Variants in ABHD12B observed in about 807,000 individuals in gnomAD.
ABHD12B encodes abhydrolase domain containing 12B, also known as protein ABHD12B.
A neutral mutation model predicts 50.4 loss-of-function variants in ABHD12B; 42 were observed. The observed-to-expected ratio is 0.83, with a 90% confidence interval of 0.65 to 1.08. The LOEUF (loss-of-function observed/expected upper bound fraction) is 1.08, where lower values mean the gene tolerates loss of function less well. Among genes scored for constraint, ABHD12B ranks in the 50% least tolerant of loss-of-function variants. The pLI is 0.00. For synonymous variants in ABHD12B, 167 were observed against 160.3 expected, an observed-to-expected ratio of 1.04 and a Z score of -0.32; for missense variants, 479 against 447.7, an observed-to-expected ratio of 1.07 and a Z score of -0.63.
At chr14:50,884,232 T>C (rs1419287712) in intron 5 of ABHD12B, among the ~76,000 whole-genome samples, 4 of 152,160 alleles carry the variant, frequency 2.6e-5, no homozygotes, top group South Asian at 2.1e-4. Flanking sequence ...TTCTTAAGAG[T>C]AGGGTTTGTT....
At chr14:50,895,622 T>C (rs2050188006) in intron 9 of ABHD12B, 1 of 152,096 alleles carries the variant, frequency 6.6e-6, no homozygotes, top group Non-Finnish European at 1.5e-5. Flanking sequence ...CCTTCCCAGA[T>C]CTTCTCGGCT....
chr14:50,886,767 T>C, intron 8 of ABHD12B, 83 bp downstream of exon 8: 2 of 1,328,174 alleles, frequency 1.5e-6, no homozygotes, highest in Non-Finnish European at 2.1e-6. Flanking sequence ...GTGTACACTT[T>C]GAACATATAG....
Position 50,904,149 on chromosome 14 carries a change from C to T in ABHD12B, c.1018C>T (p.His340Tyr), listed in dbSNP as rs1361759103. The T allele has an allele frequency of 1.2e-6, 2 of 1,614,170 alleles. No homozygotes were observed. Among genetic ancestry groups the T allele is most frequent in the South Asian group, 2.2e-5 (2 of 91,078 alleles). ...GGTTATCTTTCCTCCTGGCTTCCAA[C>T]ACAACCTGCTTTGTAAAAGCCCCAC... ...KMVIFPPGFQ[H>Y]NLLCKSPTLL... is the part of the protein sequence containing the mutation. The change falls in exon 12 of 13, where the codon CAC becomes TAC. Residue 340 changes from histidine (H) to tyrosine (Y), a missense_variant. His to Tyr is a moderately conservative substitution (Grantham distance 83). Coordinates refer to ENST00000337334, the MANE Select transcript of ABHD12B (RefSeq NM_001206673.2).
intron 9 of ABHD12B, chr14:50,895,694 C>T (rs1437032695): frequency 3.3e-5 from 5 of 152,144 alleles, no homozygotes; most frequent in African/African-American, 4.8e-5. Context: ...TCACAGACGC[C>T]GAGCTTCCGG....
chr14:50,881,429 A>ATT (rs150141062), intron 4 of ABHD12B, among the ~76,000 whole-genome samples, 167 bp from the exon 5 acceptor site: 51 of 141,414 alleles, frequency 3.6e-4, no homozygotes, highest in East Asian at 8.1e-4. Flanking sequence ...GAAACCCAGC[A>ATT]TTTTTTTTTT....
chr14:50,880,626 C>T lies in ABHD12B; in HGVS notation c.455+55C>T, dbSNP rs894264737. On this transcript the variant is annotated intron_variant, in intron 4 of 12. Coordinates refer to ENST00000337334, the MANE Select transcript of ABHD12B (RefSeq NM_001206673.2). ...TCAGGAGATTGAGAGCATTTCAGCC[C>T]CATGGGGGAATGAAGGACAGGGCTC... The T allele has an allele frequency of 2.6e-5, 39 of 1,473,262 alleles. 1 individual carries two copies. In the South Asian group the frequency reaches 5.1e-4, roughly 19 times the overall value. The allele number at this position is 1,473,262 out of a possible 1,614,324, so 91.3% of individuals were successfully genotyped here. A position where few individuals can be genotyped will look rare whatever the true frequency, so the allele number is the denominator to read the frequency against.
chr14:50,901,669 C>T (rs1026133335), intron 9 of ABHD12B, among the ~76,000 whole-genome samples, 160 bp from the exon 10 acceptor site: 6 of 152,108 alleles, frequency 3.9e-5, no homozygotes, highest in East Asian at 1.9e-4. Context: ...TCCAAATTCC[C>T]GACGTGCATT....
At chr14:50,894,778 C>T (rs577227568) in intron 9 of ABHD12B, among the ~76,000 whole-genome samples, 5 of 149,862 alleles carry the variant, frequency 3.3e-5, no homozygotes, top group South Asian at 4.2e-4. Flanking sequence ...TCCCGCCTGT[C>T]CCCCCAGTCC....
chr14:50,874,164 A>G (rs372350510), intron 1 of ABHD12B, among the ~76,000 whole-genome samples: 3 of 152,262 alleles, frequency 2.0e-5, no homozygotes, highest in African/African-American at 7.2e-5. Context: ...ACATTTCATC[A>G]TATGATTTTT....
At position 50,878,751 on chromosome 14, in the gene ABHD12B, C is replaced by T; in HGVS notation, c.239C>T (p.Ala80Val). 3.1e-6 allele frequency: 5 copies of T among 1,613,036 alleles called. No individual in the cohort carries two copies. The highest frequency in any genetic ancestry group is 4.2e-6 in the Non-Finnish European group (5 of 1,179,042). ...AATGATTTTTACTTTCCAGTCAAAGCCCCATTTCTTGTGGATTTAAAGAAA... is the reference window on the plus strand; with the variant it reads ...AATGATTTTTACTTTCCAGTCAAAGTCCCATTTCTTGTGGATTTAAAGAAA... Reference protein sequence around the residue: ...DMLIYFNFFKAPFLVDLKKPE... With the variant: ...DMLIYFNFFKVPFLVDLKKPE... Residue 80 changes from alanine (A) to valine (V), a missense_variant, in exon 3 of 13, where the codon GCC (alanine) becomes GTC (valine). Physicochemically the swap from Ala to Val is moderately conservative, Grantham distance 64 (BLOSUM62 0). Transcript: ENST00000337334.
At chr14:50,901,743 G>GTA in intron 9 of ABHD12B, 86 bp from the exon 10 acceptor site, 2 of 823,676 alleles carry the variant, frequency 2.4e-6, no homozygotes, top group Non-Finnish European at 3.6e-6. Flanking sequence ...TACTCTCTGT[G>GTA]TTACCCTGGT....
chr14:50,872,620 CA>C (rs961200420), intron 1 of ABHD12B, among the ~76,000 whole-genome samples: 1 of 152,172 alleles, frequency 6.6e-6, no homozygotes, highest in Non-Finnish European at 1.5e-5. Context: ...TGCTAACATA[CA>C]AGATGGATCT....
chr14:50,903,399 C>G lies in ABHD12B; in HGVS notation c.874C>G (p.Leu292Val), dbSNP rs1304758173. 1 of 1,611,232 alleles carries G rather than the reference C, an allele frequency of 6.2e-7. No homozygotes were observed. Among genetic ancestry groups the G allele is most frequent in the African/African-American group, 1.3e-5 (1 of 74,776 alleles). Residue 292 changes from leucine (L) to valine (V), a missense_variant, in exon 11 of 13, where the codon CTT (leucine) becomes GTT (valine). By Grantham distance (32) the Leu-to-Val change is conservative. Coordinates refer to ENST00000337334, the MANE Select transcript of ABHD12B (RefSeq NM_001206673.2). ...IFPNDENVKF[L>V]SSPLLILHGE... is the part of the protein sequence containing the mutation. ...TCTACTTGTCCCTAGTGTTAAATTC[C>G]TTTCTTCTCCTCTTCTCATCTTACA...
intron 5 of ABHD12B, among the ~76,000 whole-genome samples, chr14:50,882,182 C>T (rs1004825945): frequency 4.0e-5 from 6 of 149,454 alleles, no homozygotes; most frequent in African/African-American, 7.4e-5. Context: ...GTGATCCACC[C>T]ACCTCCGCCT....
intron 5 of ABHD12B, 23 bp downstream of exon 5, chr14:50,881,649 G>A (rs1213867390): frequency 6.2e-7 from 1 of 1,607,410 alleles, no homozygotes; most frequent in African/African-American, 1.4e-5. Flanking sequence ...AGGCCTCAAA[G>A]CACCCATTTC....
At chr14:50,888,378 A>T (rs921250102) in intron 8 of ABHD12B, among the ~76,000 whole-genome samples, 6 of 151,784 alleles carry the variant, frequency 4.0e-5, no homozygotes, top group African/African-American at 1.5e-4. Context: ...TGATTTTTGT[A>T]TTTTTAGTAG....
At chr14:50,877,803 G>A in intron 1 of ABHD12B, 149 bp from the exon 2 acceptor site, 2 of 673,228 alleles carry the variant, frequency 3.0e-6, no homozygotes, top group Non-Finnish European at 4.3e-6. Context: ...GGAGGCAGAG[G>A]TTGCAGTGAG....
chr14:50,886,759 G>A, intron 8 of ABHD12B, 75 bp downstream of exon 8: 4 of 1,400,652 alleles, frequency 2.9e-6, no homozygotes, highest in South Asian at 2.4e-5. Context: ...AGACTATTGT[G>A]TACACTTTGA....
intron 8 of ABHD12B, among the ~76,000 whole-genome samples, chr14:50,888,239 C>T (rs1305287764): frequency 6.9e-6 from 1 of 145,790 alleles, no homozygotes; most frequent in Non-Finnish European, 1.5e-5. Flanking sequence ...GAGTCTTGCT[C>T]TGTCGCCAGG....
Sources: allele counts gnomAD v4.1 joint callset (sites outside exome capture counted in the v4.1 genomes callset), GRCh38; gene constraint gnomAD v4.1.1; transcripts MANE v1.5; gene names NCBI Gene and HGNC (gene_info 2026-07-23, HGNC 2026-07-21).